The following LAMA2 variants were observed in gnomAD, a reference collection of about 807,000 sequenced individuals.
The protein encoded by LAMA2 is laminin subunit alpha 2, also known as laminin subunit alpha-2.
A neutral mutation model predicts 364.8 loss-of-function variants in LAMA2; 269 were observed. The ratio of observed to expected loss-of-function variants is 0.74; its 90% confidence interval spans 0.67 to 0.82. LAMA2 has a LOEUF of 0.82. LAMA2 is among the 40% of genes least tolerant of loss of function. The pLI, the probability that LAMA2 is intolerant of heterozygous loss-of-function variation, is 0.00. For missense variants in LAMA2, 3,807 were observed against 3,873.2 expected, an observed-to-expected ratio of 0.98 and a Z score of 0.45; for synonymous variants, 1,379 against 1,370.6, an observed-to-expected ratio of 1.01 and a Z score of -0.14.
intron 49 of LAMA2, among the ~76,000 whole-genome samples, chr6:129,462,415 A>G (rs1421021035): frequency 6.6e-6 from 1 of 151,866 alleles, no homozygotes; most frequent in Non-Finnish European, 1.5e-5. Flanking sequence ...TATCTCGGAA[A>G]TGTTCGTGGC....
chr6:129,078,484 C>T (rs1346314413), intron 3 of LAMA2, among the ~76,000 whole-genome samples: 1 of 151,926 alleles, frequency 6.6e-6, no homozygotes, highest in African/African-American at 2.4e-5. Flanking sequence ...AAAATTCTCC[C>T]TAAAAAATAA....
intron 5 of LAMA2, among the ~76,000 whole-genome samples, chr6:129,146,079 CAAAG>C (rs879400039): frequency 1.0e-4 from 15 of 149,692 alleles, no homozygotes; most frequent in Non-Finnish European, 2.1e-4. Context: ...GAAAAAGAAA[CAAAG>C]AAGTAAATTG....
intron 1 of LAMA2, among the ~76,000 whole-genome samples, chr6:128,906,844 T>G (rs1445984486): frequency 1.3e-5 from 2 of 150,914 alleles, no homozygotes; most frequent in Non-Finnish European, 3.0e-5. Context: ...AGTTTCAGCT[T>G]TCTACATATG....
rs1789399693 is a variant in LAMA2, at chr6:129,288,026, T to G, written c.2717T>G (p.Phe906Cys). Residue 906 changes from phenylalanine (F) to cysteine (C), a missense_variant, in exon 19 of 65, where the codon TTT (phenylalanine) becomes TGT (cysteine). Coordinates refer to ENST00000421865, the MANE Select transcript of LAMA2 (RefSeq NM_000426.4). ...TGTGAGCTCTGTGCTGATGGATATT[T>G]TGGAGATGCAGTTGATGCGAAGAAC... ...RYCELCADGY[F>C]GDAVDAKNCQ... 6.2e-7 allele frequency: 1 copy of G among 1,614,038 alleles called. No homozygotes were observed. Among genetic ancestry groups the G allele is most frequent in the East Asian group, 2.2e-5 (1 of 44,882 alleles).
intron 35 of LAMA2, among the ~76,000 whole-genome samples, chr6:129,384,731 G>T (rs564805421): frequency 3.3e-5 from 5 of 151,962 alleles, no homozygotes; most frequent in Admixed American, 2.0e-4. Flanking sequence ...CAAATCCCAC[G>T]TCTATACACC....
At chr6:128,908,029 T>C (rs1424988571) in intron 1 of LAMA2, among the ~76,000 whole-genome samples, 60 of 151,990 alleles carry the variant, frequency 3.9e-4, no homozygotes, top group African/African-American at 1.3e-3. Flanking sequence ...CTGCTGGATT[T>C]GTTTTGCCAG....
chr6:129,136,919 A>T (rs972335850), intron 4 of LAMA2, among the ~76,000 whole-genome samples: 4 of 149,260 alleles, frequency 2.7e-5, no homozygotes, highest in Admixed American at 2.6e-4. Context: ...AGTGGGAAGG[A>T]TACCAGGATC....
At chr6:128,891,934 C>T (rs577641432) in intron 1 of LAMA2, among the ~76,000 whole-genome samples, 5 of 152,074 alleles carry the variant, frequency 3.3e-5, no homozygotes, top group African/African-American at 7.2e-5. Context: ...AGGCTAGACT[C>T]GGATCCATAG....
At chr6:128,891,302 A>G (rs1411019510) in intron 1 of LAMA2, among the ~76,000 whole-genome samples, 1 of 152,078 alleles carries the variant, frequency 6.6e-6, no homozygotes, top group African/African-American at 2.4e-5. Flanking sequence ...ATCCCTTTCG[A>G]GTTGCTTGTA....
intron 48 of LAMA2, among the ~76,000 whole-genome samples, chr6:129,457,144 T>A (rs1260026806): frequency 6.6e-6 from 1 of 152,086 alleles, no homozygotes; most frequent in African/African-American, 2.4e-5. Context: ...CTTGTCAGAA[T>A]CATCCTGAGT....
At position 129,328,428 on chromosome 6, in the gene LAMA2, T is replaced by C. The variant is rs755957507; in HGVS notation, c.4311+16T>C. The C allele has an allele frequency of 6.2e-7, 1 of 1,614,116 alleles. No homozygotes were observed. On this transcript the variant is annotated intron_variant, in intron 29 of 64. Transcript: ENST00000421865. Reference sequence around the variant, plus strand: ...GATATGCCAGGTAGTCCTCTGAGCCTTCCTTGAACAAGGTCCATGTGCTCA... The same window carrying C: ...GATATGCCAGGTAGTCCTCTGAGCCCTCCTTGAACAAGGTCCATGTGCTCA...
intron 3 of LAMA2, among the ~76,000 whole-genome samples, chr6:129,083,889 A>G (rs767883233): frequency 9.2e-5 from 14 of 152,194 alleles, no homozygotes; most frequent in Non-Finnish European, 1.3e-4. Context: ...ATGTTTTGTA[A>G]TCCTCACAAC....
intron 40 of LAMA2, among the ~76,000 whole-genome samples, chr6:129,423,916 C>G (rs925641971): frequency 4.0e-5 from 6 of 151,894 alleles, no homozygotes; most frequent in African/African-American, 1.5e-4. Flanking sequence ...ATATGTTTTA[C>G]AATTCATATG....
intron 5 of LAMA2, among the ~76,000 whole-genome samples, chr6:129,145,988 A>C (rs1778409083): frequency 6.6e-6 from 1 of 151,912 alleles, no homozygotes; most frequent in South Asian, 2.1e-4. Context: ...CATTAGTTCA[A>C]GGTCTAGGTA....
chr6:129,232,646 G>A (rs777705919), intron 12 of LAMA2, among the ~76,000 whole-genome samples: 1 of 152,040 alleles, frequency 6.6e-6, no homozygotes, highest in Non-Finnish European at 1.5e-5. Flanking sequence ...TATGTTGTAG[G>A]CTAAATAATG....
chr6:128,913,515 G>T (rs996659942), intron 1 of LAMA2, among the ~76,000 whole-genome samples: 2 of 152,056 alleles, frequency 1.3e-5, no homozygotes, highest in Admixed American at 1.3e-4. Context: ...TTAATAATTG[G>T]TTTTACTTAC....
chr6:129,037,883 A>G (rs375790557), intron 1 of LAMA2, among the ~76,000 whole-genome samples: 1 of 152,028 alleles, frequency 6.6e-6, no homozygotes, highest in South Asian at 2.1e-4. Flanking sequence ...GTTAGCCAGG[A>G]TGGTCTTGAT....
chr6:129,366,873 G>A (rs1261184591), intron 33 of LAMA2, among the ~76,000 whole-genome samples: 3 of 152,098 alleles, frequency 2.0e-5, no homozygotes, highest in Non-Finnish European at 4.4e-5. Flanking sequence ...CCCTACAAAG[G>A]GTCCTGAAAT....
At chr6:129,280,317 T>A (rs1788635363) in intron 18 of LAMA2, among the ~76,000 whole-genome samples, 170 bp downstream of exon 18, 1 of 152,204 alleles carries the variant, frequency 6.6e-6, no homozygotes, top group Non-Finnish European at 1.5e-5. Flanking sequence ...TTTTTGTAAT[T>A]TATTTATTTT....
Sources: allele counts gnomAD v4.1 joint callset (sites outside exome capture counted in the v4.1 genomes callset), GRCh38; gene constraint gnomAD v4.1.1; transcripts MANE v1.5; gene names NCBI Gene and HGNC (gene_info 2026-07-23, HGNC 2026-07-21).